The following MACF1 variants were observed in gnomAD, a reference collection of about 807,000 sequenced individuals.
The protein encoded by MACF1 is microtubule actin crosslinking factor 1.
Under a neutral mutation model 854.8 loss-of-function variants are expected in MACF1, and 193 were observed. The observed-to-expected ratio is 0.23, with a 90% CI of 0.20 to 0.25. The LOEUF (loss-of-function observed/expected upper bound fraction) is 0.25, where lower values mean the gene tolerates loss of function less well. MACF1 is among the 10% of genes least tolerant of loss of function. The pLI is 1.00. For missense variants in MACF1, 7,722 were observed against 8,929.1 expected, an observed-to-expected ratio of 0.86 and a Z score of 5.45; for synonymous variants, 3,185 against 3,226.7, an observed-to-expected ratio of 0.99 and a Z score of 0.44.
Position 39,307,938 on chromosome 1 carries a change from C to T in MACF1, c.2790-1632C>T, listed in dbSNP as rs1270990848. Among the ~76,000 whole-genome samples the T allele has an allele frequency of 1.3e-3, 95 of 75,312 alleles. 1 individual carries two copies. The highest frequency in any genetic ancestry group is 2.6e-4 in the Non-Finnish European group (10 of 38,660). The allele number at this position is 75,312 out of a possible 152,430, so 49.4% of individuals were successfully genotyped here. ...TTTTTTTTTTGAGATGGAGTCTCGC[C>T]GTGTCGCCCAGGCTAGAGTGCAGTG... On this transcript the variant is annotated intron_variant, in intron 23 of 100. Transcript: ENST00000564288.
chr1:39,393,325 C>T lies in MACF1; in HGVS notation c.15816+4667C>T, dbSNP rs1642129762. Among the ~76,000 whole-genome samples, 9 of 151,004 alleles carry T rather than the reference C, an allele frequency of 6.0e-5. No homozygotes were observed. In the South Asian group the frequency reaches 1.5e-3, roughly 25 times the overall value. ...ATTCTGAATCTTAAACCAACCCCTCCTTTGCCCCCTGCTCCCCGCAAGAAC... is the reference window on the plus strand; with the variant it reads ...ATTCTGAATCTTAAACCAACCCCTCTTTTGCCCCCTGCTCCCCGCAAGAAC... On this transcript the variant is annotated intron_variant, in intron 58 of 100. Transcript: ENST00000564288.
intron 14 of MACF1, 121 bp from the exon 15 acceptor site, chr1:39,287,165 T>G (rs1645661282): frequency 1.8e-6 from 2 of 1,082,608 alleles, no homozygotes; most frequent in Admixed American, 5.5e-5. Flanking sequence ...TTCACCATGT[T>G]GTCTAGGCTG....
chr1:39,412,304 A>G (rs781565672), intron 58 of MACF1: 1 of 1,614,042 alleles, frequency 6.2e-7, no homozygotes, highest in Admixed American at 1.7e-5. Context: ...TTACTAACAG[A>G]TGAAATTCAT....
At chr1:39,453,418 G>C (rs1231671296) in intron 87 of MACF1, among the ~76,000 whole-genome samples, 2 of 152,090 alleles carry the variant, frequency 1.3e-5, no homozygotes, top group African/African-American at 4.8e-5. Flanking sequence ...AATGAAAAAT[G>C]GGACTAAAAA....
At chr1:39,440,690 G>A (rs1644097279) in intron 72 of MACF1, among the ~76,000 whole-genome samples, 2 of 151,960 alleles carry the variant, frequency 1.3e-5, no homozygotes, top group South Asian at 2.1e-4. Context: ...CCCTTGATAT[G>A]TTTCTCTGTA....
chr1:39,404,149 G>A (rs200861336), intron 58 of MACF1, among the ~76,000 whole-genome samples: 162 of 148,540 alleles, frequency 1.1e-3, no homozygotes, highest in African/African-American at 3.1e-3. Context: ...AAATAAGTAA[G>A]TAAATAAATA....
At chr1:39,152,545 G>C (rs889764541) in intron 2 of MACF1, among the ~76,000 whole-genome samples, 1 of 152,096 alleles carries the variant, frequency 6.6e-6, no homozygotes, top group Non-Finnish European at 1.5e-5. Flanking sequence ...TCCCTGTTAG[G>C]TGCTTTTAGC....
At chr1:39,416,553 T>A (rs1643320047) in intron 58 of MACF1, among the ~76,000 whole-genome samples, 1 of 151,040 alleles carries the variant, frequency 6.6e-6, no homozygotes, top group Non-Finnish European at 1.5e-5. Flanking sequence ...TCATGAAATA[T>A]AAGGATTAAA....
chr1:39,406,047 C>T (rs1642685932), intron 58 of MACF1, among the ~76,000 whole-genome samples: 1 of 152,108 alleles, frequency 6.6e-6, no homozygotes, highest in African/African-American at 2.4e-5. Context: ...TGCTTCCTCT[C>T]TTGATTTATT....
intron 95 of MACF1, among the ~76,000 whole-genome samples, chr1:39,466,025 C>T (rs187327990): frequency 1.6e-4 from 24 of 152,310 alleles, no homozygotes; most frequent in Admixed American, 1.4e-3. Flanking sequence ...CCCTCTTCTA[C>T]TGCTCCATTG....
intron 56 of MACF1, 27 bp from the exon 57 acceptor site, chr1:39,385,407 A>C: frequency 1.9e-6 from 3 of 1,607,654 alleles, no homozygotes; most frequent in Non-Finnish European, 1.7e-6. Context: ...TTCCTGTCTA[A>C]ACATCTTGGT....
intron 2 of MACF1, among the ~76,000 whole-genome samples, chr1:39,143,675 C>CCAAGG (rs1243752837): frequency 1.3e-5 from 2 of 152,192 alleles, no homozygotes; most frequent in African/African-American, 4.8e-5. Context: ...GGGGAAAGAT[C>CCAAGG]CAAGGCTCTG....
chr1:39,186,426 C>T (rs1466138236), intron 2 of MACF1, among the ~76,000 whole-genome samples: 1 of 151,578 alleles, frequency 6.6e-6, no homozygotes. Context: ...GCCACCACGC[C>T]CGGCCTAGAA....
chr1:39,410,953 C>T (rs759410450), intron 58 of MACF1: 1 of 1,613,990 alleles, frequency 6.2e-7, no homozygotes, highest in South Asian at 1.1e-5. Context: ...AAACCCTCCT[C>T]ATGAATTCCA....
intron 6 of MACF1, among the ~76,000 whole-genome samples, chr1:39,280,382 G>A (rs1041974314): frequency 1.3e-5 from 2 of 151,986 alleles, no homozygotes; most frequent in East Asian, 1.9e-4. Flanking sequence ...AAGTTATTTC[G>A]TTCACAGCAT....
At position 39,387,891 on chromosome 1, in the gene MACF1, G is replaced by A. The variant is rs1641865142; in HGVS notation, c.15049G>A (p.Glu5017Lys). ...EMTQRLREFQ[E>K]SFKNIEKKVE... ...GACTCAGAGGCTCAGGGAGTTCCAG[G>A]AAAGCTTTAAGAATATTGAAAAGAA... Residue 5017 changes from glutamate to lysine, a missense_variant, in exon 58 of 101, where the codon GAA becomes AAA. By Grantham distance (56) the Glu-to-Lys change is moderately conservative. Coordinates refer to ENST00000564288, the MANE Select transcript of MACF1 (RefSeq NM_001394062.1). 2 of 1,613,998 alleles carry A rather than the reference G, an allele frequency of 1.2e-6. No individual in the cohort carries two copies. The highest frequency in any genetic ancestry group is 1.7e-6 in the Non-Finnish European group (2 of 1,180,038).
At chr1:39,291,235 C>A (rs560324348) in intron 15 of MACF1, among the ~76,000 whole-genome samples, 2 of 152,172 alleles carry the variant, frequency 1.3e-5, no homozygotes, top group Non-Finnish European at 2.9e-5. Context: ...CCTCAGCCCC[C>A]CAAAGTGCTG....
chr1:39,224,918 C>T (rs191291979), intron 1 of MACF1, among the ~76,000 whole-genome samples: 3 of 152,330 alleles, frequency 2.0e-5, no homozygotes, highest in East Asian at 3.9e-4. Context: ...GATACAGTGG[C>T]TCATGTCTGT....
intron 26 of MACF1, among the ~76,000 whole-genome samples, chr1:39,315,280 C>A (rs1646389855): frequency 6.6e-6 from 1 of 152,108 alleles, no homozygotes; most frequent in Non-Finnish European, 1.5e-5. Flanking sequence ...GTTGACTTTG[C>A]TTTTTCTGCT....
Sources: gnomAD v4.1 joint callset for allele counts (sites outside exome capture counted in the v4.1 genomes callset) on GRCh38, gnomAD v4.1.1 for gene constraint, MANE v1.5 for transcripts, NCBI Gene and HGNC (gene_info 2026-07-23, HGNC 2026-07-21) for gene names.